JMJD1C: variants seen among roughly 807,000 people sequenced by gnomAD.
JMJD1C encodes the protein jumonji domain-containing protein 1C.
Under a neutral mutation model 245.3 loss-of-function variants are expected in JMJD1C, and 31 were observed. That is an observed-to-expected ratio of 0.13 (90% CI 0.09 to 0.17). The LOEUF is 0.17. JMJD1C is among the 10% of genes least tolerant of loss of function. JMJD1C has a pLI of 1.00. For synonymous variants in JMJD1C, 1,057 were observed against 1,017.4 expected (o/e 1.04, Z -0.74); for missense variants, 2,691 against 3,000.2 (o/e 0.90, Z 2.41).
chr10:63,479,041 G>A (rs1953749087), intron 1 of JMJD1C, among the ~76,000 whole-genome samples: 1 of 152,120 alleles, frequency 6.6e-6, no homozygotes, highest in African/African-American at 2.4e-5. Context: ...CTATTCCCTA[G>A]CAGGTGTTTT....
intron 1 of JMJD1C, among the ~76,000 whole-genome samples, chr10:63,452,391 A>T: frequency 6.6e-6 from 1 of 152,212 alleles, no homozygotes; most frequent in East Asian, 1.9e-4. Context: ...ATGCCATTTC[A>T]CACTCACTAG....
At chr10:63,386,164 G>A (rs748145109) in intron 1 of JMJD1C, among the ~76,000 whole-genome samples, 12 of 152,038 alleles carry the variant, frequency 7.9e-5, no homozygotes, top group Non-Finnish European at 1.8e-4. Context: ...GAAAACACAA[G>A]GTACTAGCCG....
chr10:63,349,764 A>G (rs181016591), intron 2 of JMJD1C, among the ~76,000 whole-genome samples: 1 of 152,318 alleles, frequency 6.6e-6, no homozygotes. Context: ...AACACCTAGT[A>G]TTTTCCAGAA....
rs907140612 is a variant in JMJD1C at position 63,465,394 on chromosome 10, T to G, written c.168+101A>C. On this transcript the variant is annotated intron_variant, in intron 1 of 25. Coordinates refer to ENST00000399262, the MANE Select transcript of JMJD1C (RefSeq NM_032776.3). ...TCAGCAGAGGGGCGTGACCGCCAGT[T>G]GGCCGGGCTGAGCGAGGCGCCAGAG... is the stretch of plus-strand genomic sequence containing the variant. 5.6e-6 allele frequency: 7 copies of G among 1,241,228 alleles called. No homozygotes were observed. The African/African-American group carries it at 1.0e-4, about 19-fold the overall frequency. The allele number at this position is 1,241,228 out of a possible 1,614,324, so 76.9% of individuals were successfully genotyped here.
chr10:63,427,492 G>C (rs1589728193), intron 1 of JMJD1C: 2 of 1,280,774 alleles, frequency 1.6e-6, no homozygotes, highest in East Asian at 4.9e-5. Flanking sequence ...GTCCCACTGG[G>C]CCAAGCAACT....
chr10:63,455,902 T>C (rs1374728538), intron 1 of JMJD1C, among the ~76,000 whole-genome samples: 1 of 152,164 alleles, frequency 6.6e-6, no homozygotes, highest in Non-Finnish European at 1.5e-5. Context: ...TCACAATTCT[T>C]ATTTTGCTCT....
At chr10:63,252,927 A>G (rs4400684) in intron 3 of JMJD1C, among the ~76,000 whole-genome samples, 64,749 of 152,118 alleles carry the variant, frequency 0.43, 14,415 homozygotes, top group South Asian at 0.53. Context: ...ATGAATGCCT[A>G]TATGTTATAG....
chr10:63,407,896 A>G (rs547511960), intron 1 of JMJD1C, among the ~76,000 whole-genome samples: 2 of 152,190 alleles, frequency 1.3e-5, no homozygotes, highest in East Asian at 3.9e-4. Flanking sequence ...AGGTTTAGAA[A>G]AGGAAGCTGA....
Position 63,493,638 on chromosome 10 carries a change from A to G in JMJD1C, n.113+28100T>C, listed in dbSNP as rs78377074. Among the ~76,000 whole-genome samples the G allele has an allele frequency of 5.9e-3, 891 of 152,180 alleles. 5 individuals carry two copies. The highest frequency in any genetic ancestry group is 0.016 in the African/African-American group (662 of 41,546). ...CTGTTAATTACAGGCGTGAGCCACC[A>G]CACCCGGCTAATTCCTAATTTTTGA... On this transcript the variant is annotated intron_variant and non_coding_transcript_variant, in intron 1 of 3. Transcript: ENST00000633035.
rs558731480 is a variant in JMJD1C at position 63,449,708 on chromosome 10, A to T, written c.168+15787T>A. On this transcript the variant is annotated intron_variant, in intron 1 of 25. Transcript: ENST00000399262. ...AAATCATATCCACTGGAGAATATTT[A>T]AAAAAATCAAACATGAATAGCTGGA... Among the ~76,000 whole-genome samples, 92 of 152,278 alleles carry T rather than the reference A, an allele frequency of 6.0e-4. 1 individual carries two copies. In the Middle Eastern group the frequency reaches 0.014, roughly 23 times the overall value.
At chr10:63,425,550 G>A (rs1335790935) in intron 1 of JMJD1C, among the ~76,000 whole-genome samples, 2 of 152,122 alleles carry the variant, frequency 1.3e-5, no homozygotes, top group Admixed American at 1.3e-4. Flanking sequence ...GGGAGGCCAA[G>A]ACAGGCAGAT....
At chr10:63,296,003 G>GTGTGTGTGTGTATA (rs1285499198) in intron 2 of JMJD1C, among the ~76,000 whole-genome samples, 2 of 95,728 alleles carry the variant, frequency 2.1e-5, no homozygotes, top group African/African-American at 7.8e-5. Flanking sequence ...GTGTGTGTGT[G>GTGTGTGTGTGTATA]TATATATATA....
Position 63,204,577 on chromosome 10 carries a change from A to C in JMJD1C, c.5074+2018T>G, listed in dbSNP as rs1846382802. Reference sequence around the variant, plus strand: ...ATATAAGACAGAAGAGAAACAATTAAATTGCTCACACTAAGCCTATTATGA... The same window carrying C: ...ATATAAGACAGAAGAGAAACAATTACATTGCTCACACTAAGCCTATTATGA... On this transcript the variant is annotated intron_variant, in intron 10 of 25. Coordinates refer to ENST00000399262, the MANE Select transcript of JMJD1C (RefSeq NM_032776.3). The C allele has an allele frequency of 3.0e-6, 3 of 985,282 alleles. No individual in the cohort carries two copies. The African/African-American group carries it at 5.2e-5, about 17-fold the overall frequency. The allele number at this position is 985,282 out of a possible 1,614,324, so 61.0% of individuals were successfully genotyped here. A position where few individuals can be genotyped will look rare whatever the true frequency, so the allele number is the denominator to read the frequency against.
At chr10:63,258,695 C>G (rs751671589) in intron 3 of JMJD1C, among the ~76,000 whole-genome samples, 3 of 152,186 alleles carry the variant, frequency 2.0e-5, no homozygotes, top group Non-Finnish European at 4.4e-5. Context: ...CTTCTCCTAT[C>G]TTTGTATTTC....
rs780054796 is a variant in JMJD1C at position 63,217,297 on chromosome 10, T to A, written c.588A>T (p.Val196=). The change falls in exon 5 of 26, where the codon GTA becomes GTT. Residue 196 remains valine, a synonymous_variant. Transcript: ENST00000399262. The part of the protein sequence containing the change: ...PYSLNGYRVR[V]YRQDSATQWF... Reference sequence around the variant, plus strand: ...ACTGGGTGGCAGAGTCTTGTCTATATACTCTCACTCTGTATCCATTTAAGG... The same window carrying A: ...ACTGGGTGGCAGAGTCTTGTCTATAAACTCTCACTCTGTATCCATTTAAGG... 1.9e-6 allele frequency: 3 copies of A among 1,609,064 alleles called. No individual in the cohort carries two copies. Among genetic ancestry groups the A allele is most frequent in the Non-Finnish European group, 2.6e-6 (3 of 1,176,232 alleles).
intron 2 of JMJD1C, among the ~76,000 whole-genome samples, chr10:63,319,756 C>A (rs1041987533): frequency 2.0e-5 from 3 of 152,046 alleles, no homozygotes; most frequent in African/African-American, 7.2e-5. Context: ...TGTTATTCAT[C>A]TTTTTGTTTG....
intron 1 of JMJD1C, among the ~76,000 whole-genome samples, chr10:63,441,313 T>C (rs1372834133): frequency 6.6e-5 from 10 of 152,194 alleles, no homozygotes; most frequent in Admixed American, 2.0e-4. Flanking sequence ...TCTGGAGTCA[T>C]AGGACCTGGG....
At chr10:63,195,710 G>C (rs1845380586) in intron 13 of JMJD1C, among the ~76,000 whole-genome samples, 1 of 152,036 alleles carries the variant, frequency 6.6e-6, no homozygotes, top group South Asian at 2.1e-4. Context: ...GGAGGCTGAG[G>C]TGGGCCGATC....
intron 22 of JMJD1C, among the ~76,000 whole-genome samples, chr10:63,179,990 A>T (rs1054979319): frequency 6.6e-6 from 1 of 151,896 alleles, no homozygotes; most frequent in Non-Finnish European, 1.5e-5. Flanking sequence ...CTGCAAACAT[A>T]TTTTTTTCTT....
Sources: gnomAD v4.1 joint callset for allele counts (sites outside exome capture counted in the v4.1 genomes callset) on GRCh38, gnomAD v4.1.1 for gene constraint, MANE v1.5 for transcripts, NCBI Gene and HGNC (gene_info 2026-07-23, HGNC 2026-07-21) for gene names.